The following NIPSNAP2 variants were observed in gnomAD, a reference collection of about 807,000 sequenced individuals.
NIPSNAP2 encodes the protein nipsnap homolog 2.
NIPSNAP2 carries 42 observed loss-of-function variants against 48.4 expected under a neutral mutation model. That is an observed-to-expected ratio of 0.87 (90% CI 0.68 to 1.12). NIPSNAP2 has a LOEUF of 1.12. NIPSNAP2 is among the 50% of genes most tolerant of loss of function. The probability of loss-of-function intolerance (pLI) is 0.00; values close to 1 mark genes in which losing one functional copy is unlikely to be tolerated. For missense variants in NIPSNAP2, 314 were observed against 347.3 expected, an observed-to-expected ratio of 0.90 and a Z score of 0.76; for synonymous variants, 158 against 126.6, an observed-to-expected ratio of 1.25 and a Z score of -1.67.
At chr7:55,977,535 A>C (rs1787128467) in intron 1 of NIPSNAP2, among the ~76,000 whole-genome samples, 1 of 152,188 alleles carries the variant, frequency 6.6e-6, no homozygotes, top group Non-Finnish European at 1.5e-5. Flanking sequence ...AAACCATCTT[A>C]AGTGCATAAT....
chr7:55,995,058 G>A, intron 8 of NIPSNAP2, 70 bp downstream of exon 8: 1 of 1,291,816 alleles, frequency 7.7e-7, no homozygotes, highest in Non-Finnish European at 1.1e-6. Context: ...GGGAAGTAGA[G>A]CACATCTTGA....
At chr7:55,983,605 C>G in intron 5 of NIPSNAP2, 123 bp from the exon 6 acceptor site, 2 of 885,476 alleles carry the variant, frequency 2.3e-6, no homozygotes, top group Non-Finnish European at 3.5e-6. Flanking sequence ...CTGGGACTGT[C>G]TCAGGCCAAC....
chr7:55,984,745 A>C (rs1052974363), intron 6 of NIPSNAP2, 102 bp from the exon 7 acceptor site: 2 of 839,274 alleles, frequency 2.4e-6, no homozygotes, highest in Non-Finnish European at 1.9e-6. Context: ...AGGTTTTTTG[A>C]AGTTAGTTTT....
chr7:55,973,313 T>G (rs926920699), intron 1 of NIPSNAP2, among the ~76,000 whole-genome samples: 6 of 152,126 alleles, frequency 3.9e-5, no homozygotes, highest in African/African-American at 1.4e-4. Context: ...TACTATATGT[T>G]TTTATCTTTC....
intron 3 of NIPSNAP2, chr7:55,980,689 C>G (rs1787195796): frequency 6.6e-6 from 1 of 152,114 alleles, no homozygotes; most frequent in Non-Finnish European, 1.5e-5. Context: ...ACTCTGACAC[C>G]CCTGTTAAAT....
At chr7:55,986,096 G>T (rs1337804136) in intron 7 of NIPSNAP2, among the ~76,000 whole-genome samples, 3 of 151,988 alleles carry the variant, frequency 2.0e-5, no homozygotes, top group African/African-American at 7.2e-5. Context: ...GATGGCTCAT[G>T]CCTGTAATTC....
intron 7 of NIPSNAP2, among the ~76,000 whole-genome samples, chr7:55,985,745 CAA>C (rs11290048): frequency 8.7e-4 from 78 of 89,636 alleles, no homozygotes; most frequent in Non-Finnish European, 7.3e-4. Flanking sequence ...GACCCTGTCT[CAA>C]AAAAAAAAAA....
chr7:55,977,550 T>C (rs2116343523), intron 1 of NIPSNAP2, among the ~76,000 whole-genome samples: 1 of 152,336 alleles, frequency 6.6e-6, no homozygotes, highest in Non-Finnish European at 1.5e-5. Flanking sequence ...CATAATTCAG[T>C]GGCATTACTT....
chr7:55,978,089 C>T, intron 1 of NIPSNAP2, 37 bp from the exon 2 acceptor site: 1 of 1,610,636 alleles, frequency 6.2e-7, no homozygotes, highest in Non-Finnish European at 8.5e-7. Flanking sequence ...TATATGAAAA[C>T]AGTATACTGC....
intron 7 of NIPSNAP2, among the ~76,000 whole-genome samples, chr7:55,993,151 T>A (rs1354747915): frequency 4.6e-5 from 7 of 151,472 alleles, no homozygotes; most frequent in African/African-American, 7.3e-5. Context: ...ATACAAAAAT[T>A]AGCCAGGCGT....
At chr7:55,975,425 T>C (rs1334344953) in intron 1 of NIPSNAP2, among the ~76,000 whole-genome samples, 1 of 151,986 alleles carries the variant, frequency 6.6e-6, no homozygotes, top group Non-Finnish European at 1.5e-5. Flanking sequence ...TCACCAATTA[T>C]AAAAGGGATT....
intron 3 of NIPSNAP2, 129 bp from the exon 4 acceptor site, chr7:55,981,344 T>C (rs1051774915): frequency 7.6e-6 from 5 of 656,046 alleles, no homozygotes; most frequent in Non-Finnish European, 1.4e-5. Flanking sequence ...TGCCGTTTTA[T>C]CATGATGTTC....
At chr7:55,970,092 C>T (rs1786988817) in intron 1 of NIPSNAP2, among the ~76,000 whole-genome samples, 2 of 152,026 alleles carry the variant, frequency 1.3e-5, no homozygotes, top group Admixed American at 6.6e-5. Flanking sequence ...TCCTCTTCCC[C>T]GCCTGATCAG....
At chr7:55,988,850 G>A (rs1787386029) in intron 7 of NIPSNAP2, among the ~76,000 whole-genome samples, 1 of 151,922 alleles carries the variant, frequency 6.6e-6, no homozygotes, top group Non-Finnish European at 1.5e-5. Flanking sequence ...GGGTGACAGA[G>A]CAAGACTCCA....
chr7:55,984,057 C>T (rs543641654), intron 6 of NIPSNAP2, among the ~76,000 whole-genome samples, 189 bp downstream of exon 6: 1 of 151,938 alleles, frequency 6.6e-6, no homozygotes, highest in African/African-American at 2.4e-5. Flanking sequence ...TTTTTATGGC[C>T]TTACACATAA....
At chr7:55,996,120 C>G (rs1055145123) in intron 8 of NIPSNAP2, among the ~76,000 whole-genome samples, 2 of 152,098 alleles carry the variant, frequency 1.3e-5, no homozygotes, top group African/African-American at 4.8e-5. Context: ...GAAACCTCAT[C>G]TGTACTAAAA....
At chr7:55,965,291 GTACT>G (rs1322552613) in intron 1 of NIPSNAP2, 1 of 152,178 alleles carries the variant, frequency 6.6e-6, no homozygotes, top group Non-Finnish European at 1.5e-5. Context: ...GGATCTAAAA[GTACT>G]TAGAGTTATC....
At chr7:55,994,168 C>T (rs1388104723) in intron 7 of NIPSNAP2, among the ~76,000 whole-genome samples, 1 of 152,130 alleles carries the variant, frequency 6.6e-6, no homozygotes, top group Non-Finnish European at 1.5e-5. Flanking sequence ...GGGTACAGTG[C>T]CCTGTGGCAC....
intron 3 of NIPSNAP2, chr7:55,980,455 T>C (rs1787190620): frequency 6.6e-6 from 1 of 152,300 alleles, no homozygotes; most frequent in South Asian, 2.1e-4. Flanking sequence ...ACTAGCTAAA[T>C]ATCAGAGTCA....
Sources: allele counts gnomAD v4.1 joint callset (sites outside exome capture counted in the v4.1 genomes callset), GRCh38; gene constraint gnomAD v4.1.1; transcripts MANE v1.5; gene names NCBI Gene and HGNC (gene_info 2026-07-23, HGNC 2026-07-21).